The following NUP210L variants were observed in gnomAD, a reference collection of about 807,000 sequenced individuals.
NUP210L encodes the protein nuclear pore membrane glycoprotein 210-like.
Under a neutral mutation model 208.5 loss-of-function variants are expected in NUP210L, and 74 were observed. The ratio of observed to expected loss-of-function variants is 0.35; its 90% CI spans 0.29 to 0.43. NUP210L has a LOEUF of 0.43. Among genes scored for constraint, NUP210L ranks in the 20% least tolerant of loss-of-function variants. The pLI is 1.00. For missense variants in NUP210L, 1,843 were observed against 2,289.4 expected (o/e 0.81, Z 3.98); for synonymous variants, 780 against 816.9 (o/e 0.95, Z 0.77).
intron 37 of NUP210L, among the ~76,000 whole-genome samples, chr1:153,999,233 T>A (rs183674149): frequency 1.2e-3 from 176 of 152,210 alleles, no homozygotes; most frequent in Non-Finnish European, 1.3e-3. Context: ...GAAGTGGGCG[T>A]GACAAATACA....
intron 14 of NUP210L, among the ~76,000 whole-genome samples, chr1:154,098,791 T>A (rs1028459726): frequency 6.6e-6 from 1 of 152,170 alleles, no homozygotes; most frequent in Non-Finnish European, 1.5e-5. Flanking sequence ...AGGCCCTACC[T>A]GGCCTGAAGG....
chr1:154,000,798 T>C (rs1650164842), intron 37 of NUP210L, 58 bp downstream of exon 37: 1 of 1,457,094 alleles, frequency 6.9e-7, no homozygotes, highest in Non-Finnish European at 9.6e-7. Flanking sequence ...GGTACTAATG[T>C]AATACATTCT....
intron 14 of NUP210L, among the ~76,000 whole-genome samples, chr1:154,095,739 C>T (rs1656147271): frequency 6.6e-6 from 1 of 151,916 alleles, no homozygotes; most frequent in Admixed American, 6.6e-5. Context: ...GAACTTCTGC[C>T]CTAAAAATAT....
chr1:153,995,850 G>T, intron 37 of NUP210L: 1 of 592,118 alleles, frequency 1.7e-6, no homozygotes, highest in South Asian at 1.4e-5. Context: ...CAACATGTCG[G>T]GTTCCATGTG....
chr1:154,099,082 T>G (rs1656324870), intron 14 of NUP210L, among the ~76,000 whole-genome samples: 1 of 152,152 alleles, frequency 6.6e-6, no homozygotes, highest in Non-Finnish European at 1.5e-5. Context: ...AGATTGGAGT[T>G]GGTGCTGACA....
At chr1:154,148,182 G>A (rs989905635) in intron 2 of NUP210L, among the ~76,000 whole-genome samples, 3 of 151,220 alleles carry the variant, frequency 2.0e-5, no homozygotes, top group Admixed American at 6.6e-5. Flanking sequence ...CAGGAGAATC[G>A]CTTGAACCCG....
At chr1:154,112,855 G>C (rs61805540) in intron 12 of NUP210L, among the ~76,000 whole-genome samples, 1 of 121,988 alleles carries the variant, frequency 8.2e-6, no homozygotes, top group African/African-American at 3.3e-5. Context: ...GACCCTGTCT[G>C]GGGAAAAAAA....
intron 10 of NUP210L, among the ~76,000 whole-genome samples, chr1:154,125,221 G>C (rs1440047485): frequency 6.6e-6 from 1 of 151,988 alleles, no homozygotes; most frequent in East Asian, 1.9e-4. Context: ...AGGGTGAGGC[G>C]GGTGAATCAC....
At chr1:154,040,827 G>A (rs1652835630) in intron 27 of NUP210L, among the ~76,000 whole-genome samples, 2 of 152,056 alleles carry the variant, frequency 1.3e-5, no homozygotes, top group South Asian at 2.1e-4. Flanking sequence ...TCCTGACCTC[G>A]TGATCCGCCC....
chr1:154,061,766 C>T, intron 17 of NUP210L, 92 bp from the exon 18 acceptor site: 1 of 799,904 alleles, frequency 1.3e-6, no homozygotes, highest in Non-Finnish European at 2.1e-6. Flanking sequence ...ACAGTTTTTC[C>T]AAATGGTGCT....
intron 2 of NUP210L, among the ~76,000 whole-genome samples, chr1:154,147,831 A>G (rs113977898): frequency 6.7e-6 from 1 of 149,228 alleles, no homozygotes; most frequent in African/African-American, 2.5e-5. Context: ...AATTTTTTGT[A>G]TTTTTAGTAG....
intron 27 of NUP210L, among the ~76,000 whole-genome samples, chr1:154,035,072 C>G (rs1393014434): frequency 6.6e-6 from 1 of 151,764 alleles, no homozygotes; most frequent in Non-Finnish European, 1.5e-5. Context: ...AAACTCCTGA[C>G]CTTGTGATCT....
intron 37 of NUP210L, among the ~76,000 whole-genome samples, chr1:154,000,520 C>A (rs745425118): frequency 1.3e-5 from 2 of 152,176 alleles, no homozygotes; most frequent in Non-Finnish European, 2.9e-5. Flanking sequence ...TTACTTGAAA[C>A]AAGCACTGCA....
chr1:154,069,268 A>G (rs941249932), intron 17 of NUP210L, among the ~76,000 whole-genome samples: 5 of 152,196 alleles, frequency 3.3e-5, no homozygotes, highest in African/African-American at 9.7e-5. Context: ...CAACCTACAG[A>G]ATGGGAGAGA....
intron 30 of NUP210L, among the ~76,000 whole-genome samples, chr1:154,023,999 C>T (rs1163758475): frequency 6.6e-6 from 1 of 151,702 alleles, no homozygotes; most frequent in Non-Finnish European, 1.5e-5. Context: ...CCATCTTGGC[C>T]AGGTTGGTCT....
chr1:154,071,214 A>G (rs1254675084), intron 16 of NUP210L, among the ~76,000 whole-genome samples: 8 of 151,402 alleles, frequency 5.3e-5, no homozygotes, highest in Non-Finnish European at 1.2e-4. Flanking sequence ...CTCCCAATTC[A>G]GTCGCCTGAG....
In NUP210L at chr1:154,129,415, A is replaced by G. The variant is rs1232587158; in HGVS notation, c.1010-70T>C. 6 of 852,926 alleles carry G rather than the reference A, an allele frequency of 7.0e-6. No individual in the cohort carries two copies. In the African/African-American group the frequency reaches 1.0e-4, roughly 15 times the overall value. The allele number at this position is 852,926 out of a possible 1,614,324, so 52.8% of individuals were successfully genotyped here. ...AAAGGTGAGGTACCAAAGGAGAAAA[A>G]CAAACAAACAAACAAATGCACAAAT... is the stretch of plus-strand genomic sequence containing the variant. On this transcript the variant is annotated intron_variant, in intron 7 of 39. Coordinates refer to ENST00000368559, the Ensembl canonical transcript of NUP210L.
intron 27 of NUP210L, among the ~76,000 whole-genome samples, chr1:154,038,337 C>CTTTTTTTTT (rs993828789): frequency 7.4e-6 from 1 of 134,650 alleles, no homozygotes; most frequent in African/African-American, 2.7e-5. Context: ...TTTTCTTTTT[C>CTTTTTTTTT]TTTTTTTTTT....
chr1:154,108,454 C>G (rs999724551), intron 12 of NUP210L, among the ~76,000 whole-genome samples: 6 of 152,006 alleles, frequency 3.9e-5, no homozygotes, highest in Non-Finnish European at 8.8e-5. Context: ...AGGCATGAGC[C>G]ACTGCAACCA....
Sources: allele counts gnomAD v4.1 joint callset (sites outside exome capture counted in the v4.1 genomes callset), GRCh38; gene constraint gnomAD v4.1.1; transcripts MANE v1.5; gene names NCBI Gene and HGNC (gene_info 2026-07-23, HGNC 2026-07-21).